PCDH15: variants seen among roughly 807,000 people sequenced by gnomAD.
The protein encoded by PCDH15 is protocadherin related 15.
In PCDH15, 129 loss-of-function variants were observed where a neutral mutation model predicts 178.5. That is an observed-to-expected ratio of 0.72 (90% CI 0.63 to 0.84). The LOEUF (loss-of-function observed/expected upper bound fraction) is 0.84, where lower values mean the gene tolerates loss of function less well. Among genes scored for constraint, PCDH15 ranks in the 40% least tolerant of loss-of-function variants. PCDH15 has a pLI of 0.00. For synonymous variants in PCDH15, 800 were observed against 732.0 expected (o/e 1.09, Z -1.50); for missense variants, 2,230 against 2,099.9 (o/e 1.06, Z -1.21).
At chr10:53,935,494 G>A (rs988853028) in intron 25 of PCDH15, among the ~76,000 whole-genome samples, 1 of 152,182 alleles carries the variant, frequency 6.6e-6, no homozygotes, top group African/African-American at 2.4e-5. Context: ...TAGAACAAAT[G>A]TGGGCAAACT....
intron 3 of PCDH15, among the ~76,000 whole-genome samples, chr10:54,517,473 C>T (rs914209385): frequency 1.3e-5 from 2 of 152,082 alleles, no homozygotes; most frequent in African/African-American, 4.8e-5. Flanking sequence ...AAGGCCATTA[C>T]ATAATGGTAA....
chr10:53,841,477 G>A (rs1282646852), intron 28 of PCDH15, among the ~76,000 whole-genome samples: 7 of 152,012 alleles, frequency 4.6e-5, no homozygotes, highest in East Asian at 3.9e-4. Flanking sequence ...TTTCTTGCTC[G>A]ACTGAAAGTA....
intron 10 of PCDH15, among the ~76,000 whole-genome samples, chr10:54,202,158 A>G (rs2050299413): frequency 6.6e-6 from 1 of 152,210 alleles, no homozygotes; most frequent in Non-Finnish European, 1.5e-5. Context: ...GTGCAAATTG[A>G]GGACTTTAGC....
At position 54,229,285 on chromosome 10, in the gene PCDH15, TA is replaced by T. The variant is rs2053804745; in HGVS notation, c.985+7537del. 2.6e-5 allele frequency among the ~76,000 whole-genome samples: 4 copies of T among 152,326 alleles called. No homozygotes were observed. The South Asian group carries it at 8.3e-4, about 32-fold the overall frequency. On this transcript the variant is annotated intron_variant, in intron 9 of 37. Coordinates refer to ENST00000644397, the MANE Select transcript of PCDH15 (RefSeq NM_001384140.1). ...ATTATTTATAATGTTGACTTATATA[TA>T]ATACAATTAATCATTTTCTATGTGA...
chr10:54,058,337 G>A (rs1311969320), intron 18 of PCDH15, among the ~76,000 whole-genome samples: 1 of 152,206 alleles, frequency 6.6e-6, no homozygotes, highest in Non-Finnish European at 1.5e-5. Context: ...TTGACTCACA[G>A]TTTCACATGG....
intron 2 of PCDH15, among the ~76,000 whole-genome samples, chr10:55,457,017 CT>C (rs938801500): frequency 3.9e-5 from 6 of 151,982 alleles, no homozygotes; most frequent in Admixed American, 1.3e-4. Flanking sequence ...GGGAATGTTT[CT>C]TTTTAAAAGA....
intron 3 of PCDH15, among the ~76,000 whole-genome samples, chr10:54,889,364 T>C (rs894514051): frequency 6.6e-6 from 1 of 151,686 alleles, no homozygotes; most frequent in South Asian, 2.1e-4. Context: ...GCTTCCTTAT[T>C]ATCAATAGCA....
chr10:54,164,693 T>C (rs2046038136), intron 13 of PCDH15, among the ~76,000 whole-genome samples: 1 of 152,208 alleles, frequency 6.6e-6, no homozygotes, highest in South Asian at 2.1e-4. Context: ...TTAACATCTA[T>C]TTTTAATGCA....
intron 2 of PCDH15, among the ~76,000 whole-genome samples, chr10:55,417,189 A>G (rs970626564): frequency 1.3e-5 from 2 of 151,850 alleles, no homozygotes; most frequent in African/African-American, 4.8e-5. Flanking sequence ...TAATTTTCAC[A>G]TATTATCCAT....
chr10:54,052,702 G>T (rs1010680969), intron 18 of PCDH15, among the ~76,000 whole-genome samples: 2 of 152,120 alleles, frequency 1.3e-5, no homozygotes, highest in African/African-American at 2.4e-5. Context: ...GCATAATTGT[G>T]TTTTGAAATG....
intron 26 of PCDH15, among the ~76,000 whole-genome samples, chr10:53,869,286 TA>T (rs2079663823): frequency 6.6e-6 from 1 of 152,124 alleles, no homozygotes; most frequent in Non-Finnish European, 1.5e-5. Flanking sequence ...AGAAAAACAG[TA>T]TCAAAATTTT....
At chr10:53,988,148 A>G (rs1026693720) in intron 21 of PCDH15, among the ~76,000 whole-genome samples, 10 of 152,200 alleles carry the variant, frequency 6.6e-5, no homozygotes, top group African/African-American at 2.2e-4. Flanking sequence ...GCGGCAACTC[A>G]ATACCTATCA....
chr10:54,895,756 A>G (rs1179745189), intron 3 of PCDH15, among the ~76,000 whole-genome samples: 1 of 152,178 alleles, frequency 6.6e-6, no homozygotes, highest in Non-Finnish European at 1.5e-5. Context: ...TATTATTTTG[A>G]GGTATATATC....
At chr10:55,534,570 C>G (rs190247844) in intron 2 of PCDH15, among the ~76,000 whole-genome samples, 1 of 152,100 alleles carries the variant, frequency 6.6e-6, no homozygotes, top group East Asian at 1.9e-4. Context: ...TAAGAAGAAA[C>G]AGATCCTGGC....
At chr10:54,819,084 C>G (rs1952994519) in intron 3 of PCDH15, among the ~76,000 whole-genome samples, 1 of 151,870 alleles carries the variant, frequency 6.6e-6, no homozygotes, top group South Asian at 2.1e-4. Context: ...GCCACTGCAC[C>G]TGACCTAGAA....
chr10:53,973,658 T>C (rs549232487), intron 21 of PCDH15, among the ~76,000 whole-genome samples: 5 of 152,332 alleles, frequency 3.3e-5, no homozygotes, highest in East Asian at 1.9e-4. Context: ...TATTTAGGTT[T>C]AGAAAAATCT....
intron 2 of PCDH15, among the ~76,000 whole-genome samples, chr10:54,918,728 C>T (rs1256220800): frequency 1.3e-5 from 2 of 152,042 alleles, no homozygotes; most frequent in African/African-American, 4.8e-5. Flanking sequence ...AATAAAAATA[C>T]TTGTATGTGT....
intron 1 of PCDH15, among the ~76,000 whole-genome samples, chr10:54,776,205 A>G (rs1474536255): frequency 6.6e-6 from 1 of 152,184 alleles, no homozygotes; most frequent in African/African-American, 2.4e-5. Context: ...CCATACCATG[A>G]CAATCACGAA....
chr10:54,592,671 G>T (rs779253243), intron 2 of PCDH15, among the ~76,000 whole-genome samples: 4 of 152,060 alleles, frequency 2.6e-5, no homozygotes, highest in Non-Finnish European at 5.9e-5. Context: ...AGCAAATATC[G>T]ATTCAAAATT....
Sources: gnomAD v4.1 joint callset for allele counts (sites outside exome capture counted in the v4.1 genomes callset) on GRCh38, gnomAD v4.1.1 for gene constraint, MANE v1.5 for transcripts, NCBI Gene and HGNC (gene_info 2026-07-23, HGNC 2026-07-21) for gene names.